Variants in DDR2 observed in about 807,000 individuals in gnomAD.
DDR2 encodes the protein discoidin domain-containing receptor 2.
DDR2 carries 27 observed loss-of-function variants against 94.9 expected under a neutral mutation model. The observed-to-expected ratio is 0.28, with a 90% CI of 0.21 to 0.39. The LOEUF (loss-of-function observed/expected upper bound fraction) is 0.39, where lower values mean the gene tolerates loss of function less well. DDR2 is among the 10% of genes least tolerant of loss of function. The pLI, the probability that DDR2 is intolerant of heterozygous loss-of-function variation, is 1.00. For missense variants in DDR2, 783 were observed against 1,076.0 expected (o/e 0.73, Z 3.81); for synonymous variants, 382 against 377.2 (o/e 1.01, Z -0.15).
chr1:162,631,441 C>T (rs1656555710), upstream of DDR2: 1 of 152,184 alleles, frequency 6.6e-6, no homozygotes, highest in African/African-American at 2.4e-5. Flanking sequence ...AAGTCTGGCT[C>T]TCAAAGGTAA....
At chr1:162,746,271 A>G (rs1446552065) in intron 3 of DDR2, among the ~76,000 whole-genome samples, 1 of 152,196 alleles carries the variant, frequency 6.6e-6, no homozygotes, top group African/African-American at 2.4e-5. Context: ...CTCCCAGCCT[A>G]ATACTGCGCT....
At chr1:162,700,998 A>G (rs770047851) in intron 2 of DDR2, among the ~76,000 whole-genome samples, 4 of 151,742 alleles carry the variant, frequency 2.6e-5, no homozygotes, top group Non-Finnish European at 5.9e-5. Context: ...CAGTGTTGGT[A>G]TATATTTCAA....
intron 2 of DDR2, among the ~76,000 whole-genome samples, chr1:162,706,378 A>G (rs1032519261): frequency 4.6e-5 from 7 of 152,210 alleles, no homozygotes; most frequent in Non-Finnish European, 1.0e-4. Flanking sequence ...CTACATTCAT[A>G]TGTGTTCATA....
intron 2 of DDR2, among the ~76,000 whole-genome samples, chr1:162,660,857 G>T (rs1301829514): frequency 6.6e-6 from 1 of 152,178 alleles, no homozygotes; most frequent in Non-Finnish European, 1.5e-5. Flanking sequence ...GGCTTCTTTT[G>T]TGCTGTACTG....
In DDR2 at chr1:162,719,232, C is replaced by T. The variant is rs1661301985; in HGVS notation, c.82+87C>T. The T allele has an allele frequency of 1.9e-6, 3 of 1,602,940 alleles. No homozygotes were observed. In the South Asian group the frequency reaches 3.3e-5, roughly 18 times the overall value. On this transcript the variant is annotated intron_variant, in intron 3 of 17. Transcript: ENST00000367921. ...GTTCAATGGTGGGTCTAAAAGCTGC[C>T]AAGAGGGACTACAAAGCTCTTTCTT...
At chr1:162,658,829 A>AAATAAATAAATAAAAAAATAAATAAAT (rs60623253) in intron 2 of DDR2, among the ~76,000 whole-genome samples, 1 of 133,622 alleles carries the variant, frequency 7.5e-6, no homozygotes, top group Non-Finnish European at 1.6e-5. Flanking sequence ...CCTGTCTCAA[A>AAATAAATAAATAAAAAAATAAATAAAT]AAATAAATAA....
intron 3 of DDR2, among the ~76,000 whole-genome samples, chr1:162,752,086 G>A (rs946390017): frequency 1.3e-5 from 2 of 151,422 alleles, no homozygotes; most frequent in South Asian, 2.1e-4. Flanking sequence ...CATGGCACAT[G>A]TATATATGTG....
intron 7 of DDR2, among the ~76,000 whole-genome samples, chr1:162,757,613 T>A (rs927478991): frequency 9.9e-5 from 15 of 152,282 alleles, no homozygotes; most frequent in Non-Finnish European, 1.9e-4. Context: ...TTATTCTTCA[T>A]AAACATTATC....
intron 9 of DDR2, among the ~76,000 whole-genome samples, chr1:162,763,044 C>T (rs1263465788): frequency 1.3e-5 from 2 of 151,952 alleles, no homozygotes; most frequent in Non-Finnish European, 2.9e-5. Context: ...GCCATGTTGG[C>T]CAGGCTGGTC....
At chr1:162,702,722 G>A (rs1291220497) in intron 2 of DDR2, among the ~76,000 whole-genome samples, 1 of 152,176 alleles carries the variant, frequency 6.6e-6, no homozygotes, top group African/African-American at 2.4e-5. Context: ...TAATGTTAGA[G>A]AGGACATGTC....
chr1:162,722,141 G>T (rs1426323674), intron 3 of DDR2, among the ~76,000 whole-genome samples: 1 of 152,196 alleles, frequency 6.6e-6, no homozygotes, highest in African/African-American at 2.4e-5. Flanking sequence ...TGTCATCCAT[G>T]GAGGCTGCAG....
chr1:162,747,737 G>A (rs1662956644), intron 3 of DDR2, among the ~76,000 whole-genome samples: 1 of 152,174 alleles, frequency 6.6e-6, no homozygotes, highest in South Asian at 2.1e-4. Context: ...AAAACGTTAA[G>A]GGTAGCCAGA....
At chr1:162,772,295 T>A in intron 13 of DDR2, 48 bp downstream of exon 13, 7 of 1,587,328 alleles carry the variant, frequency 4.4e-6, no homozygotes, top group Non-Finnish European at 6.0e-6. Flanking sequence ...GGTGGTTGGA[T>A]AAAAATGATC....
At position 162,637,980 on chromosome 1, in the gene DDR2, C is replaced by T. The variant is rs144612888; in HGVS notation, c.-192+5349C>T. ...AGGCATAAAGCCATTAACAAGAGCC[C>T]CATCCTCTTTTTCCTCCTTTTTGGG... On this transcript the variant is annotated intron_variant, in intron 1 of 17. Coordinates refer to ENST00000367921, the MANE Select transcript of DDR2 (RefSeq NM_006182.4). Among the ~76,000 whole-genome samples the T allele has an allele frequency of 1.5e-3, 232 of 152,212 alleles. 4 individuals carry two copies. Among genetic ancestry groups the T allele is most frequent in the African/African-American group, 5.2e-3 (216 of 41,542 alleles).
At chr1:162,732,411 G>C (rs2102063427) in intron 3 of DDR2, among the ~76,000 whole-genome samples, 1 of 152,298 alleles carries the variant, frequency 6.6e-6, no homozygotes, top group South Asian at 2.1e-4. Flanking sequence ...GGAAGAACTA[G>C]ACCATGGTAG....
Position 162,735,876 on chromosome 1 carries a change from A to G in DDR2, c.82+16731A>G, listed in dbSNP as rs145483003. Among the ~76,000 whole-genome samples, 357 of 152,346 alleles carry G rather than the reference A, an allele frequency of 2.3e-3. 3 individuals carry two copies. Among genetic ancestry groups the G allele is most frequent in the African/African-American group, 8.2e-3 (342 of 41,578 alleles). ...TAGAAGGAAAGTTATTTGCAACAATATCATGATTCACCTCATGTGACCCAC... is the reference window on the plus strand; with the variant it reads ...TAGAAGGAAAGTTATTTGCAACAATGTCATGATTCACCTCATGTGACCCAC... On this transcript the variant is annotated intron_variant, in intron 3 of 17. Coordinates refer to ENST00000367921, the MANE Select transcript of DDR2 (RefSeq NM_006182.4).
chr1:162,637,025 A>T (rs1656860086), intron 1 of DDR2, among the ~76,000 whole-genome samples: 2 of 152,122 alleles, frequency 1.3e-5, no homozygotes, highest in African/African-American at 4.8e-5. Context: ...TTATCTATTA[A>T]AAATATCATA....
At chr1:162,672,605 T>C (rs1389580746) in intron 2 of DDR2, among the ~76,000 whole-genome samples, 1 of 152,194 alleles carries the variant, frequency 6.6e-6, no homozygotes, top group East Asian at 1.9e-4. Flanking sequence ...TAGATTCATG[T>C]ATACTTTATT....
chr1:162,685,865 G>A (rs1229819646), intron 2 of DDR2, among the ~76,000 whole-genome samples: 2 of 152,122 alleles, frequency 1.3e-5, no homozygotes, highest in Admixed American at 6.5e-5. Context: ...TAAGTGATTT[G>A]CCCAAAGACC....
Sources: gnomAD v4.1 joint callset for allele counts (sites outside exome capture counted in the v4.1 genomes callset) on GRCh38, gnomAD v4.1.1 for gene constraint, MANE v1.5 for transcripts, NCBI Gene and HGNC (gene_info 2026-07-23, HGNC 2026-07-21) for gene names.